FAAH2: variants seen among roughly 807,000 people sequenced by gnomAD.
FAAH2 encodes fatty acid amide hydrolase 2, also known as fatty-acid amide hydrolase 2.
A neutral mutation model predicts 36.9 loss-of-function variants in FAAH2; 60 were observed. The observed-to-expected ratio is 1.63, with a 90% CI of 1.32 to 2.02. The LOEUF (loss-of-function observed/expected upper bound fraction) is 2.02, where lower values mean the gene tolerates loss of function less well. Among genes scored for constraint, FAAH2 ranks in the 30% most tolerant of loss-of-function variants. The probability of loss-of-function intolerance (pLI) is 0.00; values close to 1 mark genes in which losing one functional copy is unlikely to be tolerated. For synonymous variants in FAAH2, 214 were observed against 143.8 expected (o/e 1.49, Z -3.49); for missense variants, 689 against 397.5 (o/e 1.73, Z -6.23).
chrX:57,429,918 G>A (rs1040604733), intron 7 of FAAH2, among the ~76,000 whole-genome samples: 1 of 110,685 alleles, frequency 9.0e-6, no homozygotes, highest in Non-Finnish European at 1.9e-5. Context: ...TGTCTTAAGT[G>A]AATGGTTTGG....
the FAAH2 span, among the ~76,000 whole-genome samples, chrX:57,187,220 G>A: frequency 9.0e-6 from 1 of 110,509 alleles, no homozygotes; most frequent in African/African-American, 3.3e-5. Flanking sequence ...TTCCATTTGT[G>A]TCCCCTTTTA....
chrX:57,173,025 G>T, the FAAH2 span, among the ~76,000 whole-genome samples: 1 of 111,706 alleles, frequency 9.0e-6, no homozygotes, highest in Admixed American at 9.5e-5. Context: ...GTCTATGGGG[G>T]TGGAACCCTA....
At chrX:57,450,701 A>C (rs1397461447) in intron 10 of FAAH2, among the ~76,000 whole-genome samples, 1 of 111,248 alleles carries the variant, frequency 9.0e-6, no homozygotes, top group African/African-American at 3.3e-5. Context: ...CAAGATGGGT[A>C]CACTAAATCA....
intron 10 of FAAH2, among the ~76,000 whole-genome samples, chrX:57,482,100 A>C (rs145020076): frequency 2.7e-5 from 3 of 111,385 alleles, no homozygotes; most frequent in African/African-American, 9.8e-5. Flanking sequence ...ACCAAGCTCA[A>C]TTGTCCCAGG....
At chrX:57,449,201 C>G (rs1402699579) in intron 10 of FAAH2, among the ~76,000 whole-genome samples, 1 of 112,081 alleles carries the variant, frequency 8.9e-6, no homozygotes, top group Non-Finnish European at 1.9e-5. Context: ...GGTTTTTAAG[C>G]CATGGATGGA....
chrX:57,237,688 A>T, the FAAH2 span, among the ~76,000 whole-genome samples: 1 of 111,557 alleles, frequency 9.0e-6, no homozygotes, highest in Non-Finnish European at 1.9e-5. Flanking sequence ...TAGCAAAAAA[A>T]CCTATCAACC....
At chrX:57,448,175 T>C (rs951297231) in intron 9 of FAAH2, among the ~76,000 whole-genome samples, 22 of 111,510 alleles carry the variant, frequency 2.0e-4, no homozygotes, top group Non-Finnish European at 3.8e-4. Context: ...TTCATCATAT[T>C]GCCCAAGCTG....
At chrX:57,229,396 C>T in the FAAH2 span, 1 of 112,168 alleles carries the variant, frequency 8.9e-6, no homozygotes, top group Non-Finnish European at 1.9e-5. Flanking sequence ...ACATCTCATC[C>T]TCTTCCTTCA....
chrX:57,309,800 G>A (rs994931221), intron 2 of FAAH2, among the ~76,000 whole-genome samples: 1 of 111,849 alleles, frequency 8.9e-6, no homozygotes, highest in Non-Finnish European at 1.9e-5. Context: ...TCTTTTTGAT[G>A]TACCACATTT....
intron 10 of FAAH2, among the ~76,000 whole-genome samples, chrX:57,457,770 G>T (rs746788658): frequency 1.9e-5 from 2 of 106,866 alleles, no homozygotes; most frequent in South Asian, 8.1e-4. Flanking sequence ...AAGCAGAACT[G>T]CAAAACACAG....
At chrX:57,469,190 C>A (rs1223837233) in intron 10 of FAAH2, among the ~76,000 whole-genome samples, 1 of 112,046 alleles carries the variant, frequency 8.9e-6, no homozygotes, top group Non-Finnish European at 1.9e-5. Flanking sequence ...ACTGCATCAA[C>A]TAACGAGCAA....
chrX:57,164,426 T>G, the FAAH2 span, among the ~76,000 whole-genome samples: 16 of 112,225 alleles, frequency 1.4e-4, no homozygotes, highest in African/African-American at 5.2e-4. Context: ...GTAGAGAAGA[T>G]CTCTGTGGGT....
intron 10 of FAAH2, among the ~76,000 whole-genome samples, chrX:57,457,374 C>G (rs1280540006): frequency 9.0e-6 from 1 of 110,937 alleles, no homozygotes; most frequent in South Asian, 3.8e-4. Context: ...GAACGGTTCC[C>G]CTTGGGAACT....
intron 10 of FAAH2, among the ~76,000 whole-genome samples, chrX:57,484,087 GAGCCACTGCGCCC>G (rs2057429826): frequency 1.8e-5 from 2 of 110,840 alleles, no homozygotes; most frequent in Non-Finnish European, 3.8e-5. Flanking sequence ...TTACAGACAT[GAGCCACTGCGCCC>G]AGCCACTGGC....
chrX:57,366,506 C>T (rs2054420412), intron 5 of FAAH2, among the ~76,000 whole-genome samples: 1 of 112,490 alleles, frequency 8.9e-6, no homozygotes, highest in Admixed American at 9.4e-5. Flanking sequence ...GGTCATCCCC[C>T]ACATGGGTGC....
chrX:57,375,707 G>A (rs1308829871), intron 5 of FAAH2, among the ~76,000 whole-genome samples: 1 of 111,176 alleles, frequency 9.0e-6, no homozygotes, highest in African/African-American at 3.3e-5. Context: ...TTGGATTTCT[G>A]TTTGCAGAAA....
upstream of FAAH2, among the ~76,000 whole-genome samples, chrX:57,283,742 A>G (rs367989793): frequency 2.7e-5 from 3 of 111,434 alleles, no homozygotes; most frequent in East Asian, 8.7e-4. Flanking sequence ...GCTCCAGTGT[A>G]GCAACTCGAC....
At chrX:57,183,482 T>C in the FAAH2 span, among the ~76,000 whole-genome samples, 1 of 111,942 alleles carries the variant, frequency 8.9e-6, no homozygotes, top group Non-Finnish European at 1.9e-5. Context: ...TAAGAATTGT[T>C]GCGGGAAGTC....
chrX:57,407,714 C>G (rs186426236), intron 7 of FAAH2, among the ~76,000 whole-genome samples: 2 of 111,712 alleles, frequency 1.8e-5, no homozygotes, highest in Admixed American at 1.9e-4. Context: ...CTGGAAGGGG[C>G]TCGCATTGGA....
Sources: gnomAD v4.1 joint callset for allele counts (sites outside exome capture counted in the v4.1 genomes callset) on GRCh38, gnomAD v4.1.1 for gene constraint, MANE v1.5 for transcripts, NCBI Gene and HGNC (gene_info 2026-07-23, HGNC 2026-07-21) for gene names.